KCNJ6: variants seen among roughly 807,000 people sequenced by gnomAD.
The protein encoded by KCNJ6 is potassium inwardly rectifying channel subfamily J member 6, also known as G protein-activated inward rectifier potassium channel 2.
Under a neutral mutation model 34.2 loss-of-function variants are expected in KCNJ6, and 9 were observed. The ratio of observed to expected loss-of-function variants is 0.26; its 90% CI spans 0.16 to 0.46. The LOEUF is 0.46. KCNJ6 is among the 20% of genes least tolerant of loss of function. The probability of loss-of-function intolerance (pLI) is 1.00; values close to 1 mark genes in which losing one functional copy is unlikely to be tolerated. For synonymous variants in KCNJ6, 196 were observed against 207.1 expected (o/e 0.95, Z 0.46); for missense variants, 236 against 531.3 (o/e 0.44, Z 5.46).
chr21:37,719,548 C>A (rs2054813336), intron 2 of KCNJ6: 1 of 152,170 alleles, frequency 6.6e-6, no homozygotes, highest in Non-Finnish European at 1.5e-5. Context: ...CACAAATGTG[C>A]AAAGGGACCC....
intron 3 of KCNJ6, among the ~76,000 whole-genome samples, chr21:37,677,291 C>G (rs2054569073): frequency 6.6e-6 from 1 of 152,166 alleles, no homozygotes; most frequent in Non-Finnish European, 1.5e-5. Context: ...TGGTAGGCAG[C>G]CCTCACCTGC....
intron 2 of KCNJ6, among the ~76,000 whole-genome samples, chr21:37,754,595 C>T (rs1289025560): frequency 1.3e-5 from 2 of 152,144 alleles, no homozygotes; most frequent in Non-Finnish European, 2.9e-5. Context: ...GGACTGAATG[C>T]CATCATGAGC....
intron 1 of KCNJ6, among the ~76,000 whole-genome samples, chr21:37,887,020 AG>A (rs951760908): frequency 1.4e-5 from 2 of 144,680 alleles, no homozygotes; most frequent in Admixed American, 7.1e-5. Flanking sequence ...CCCCACTCCC[AG>A]GAAGAAAGCC....
chr21:37,726,146 TC>T (rs2054853338), intron 2 of KCNJ6, among the ~76,000 whole-genome samples: 2 of 152,150 alleles, frequency 1.3e-5, no homozygotes, highest in Non-Finnish European at 2.9e-5. Flanking sequence ...CCTCAGGTGA[TC>T]CACCCCCCTC....
chr21:37,842,296 C>A (rs536487285), intron 1 of KCNJ6, among the ~76,000 whole-genome samples: 11 of 152,152 alleles, frequency 7.2e-5, no homozygotes, highest in Non-Finnish European at 1.5e-4. Flanking sequence ...TTCCCCACGG[C>A]CCTGGTACAA....
At chr21:37,656,488 C>T (rs937614481) in intron 3 of KCNJ6, among the ~76,000 whole-genome samples, 10 of 152,204 alleles carry the variant, frequency 6.6e-5, no homozygotes, top group Non-Finnish European at 1.5e-4. Context: ...GGTGGCCCCC[C>T]ACCCAGGCTC....
At chr21:37,708,126 T>C (rs1343025914) in intron 3 of KCNJ6, among the ~76,000 whole-genome samples, 2 of 152,238 alleles carry the variant, frequency 1.3e-5, no homozygotes, top group Non-Finnish European at 2.9e-5. Flanking sequence ...TTTTCTGGTA[T>C]TGGTGAACAA....
chr21:37,890,380 G>A (rs1188466649), intron 1 of KCNJ6, among the ~76,000 whole-genome samples: 1 of 152,194 alleles, frequency 6.6e-6, no homozygotes, highest in Non-Finnish European at 1.5e-5. Flanking sequence ...GGATTACGGG[G>A]ACTACAATTC....
chr21:37,836,912 T>A (rs141568383), intron 2 of KCNJ6, among the ~76,000 whole-genome samples: 1 of 152,074 alleles, frequency 6.6e-6, no homozygotes, highest in East Asian at 1.9e-4. Context: ...TTTAAAAAAA[T>A]TGGCAGCCTT....
intron 3 of KCNJ6, among the ~76,000 whole-genome samples, chr21:37,665,348 G>GTC (rs2054509179): frequency 6.6e-6 from 1 of 152,202 alleles, no homozygotes; most frequent in Non-Finnish European, 1.5e-5. Context: ...GTCTGTATAA[G>GTC]TCCATGCGAT....
At chr21:37,697,644 G>C (rs766968085) in intron 3 of KCNJ6, among the ~76,000 whole-genome samples, 4 of 152,212 alleles carry the variant, frequency 2.6e-5, no homozygotes, top group Non-Finnish European at 5.9e-5. Flanking sequence ...GTTTGGTGAT[G>C]AGAAAGTTCA....
intron 2 of KCNJ6, among the ~76,000 whole-genome samples, chr21:37,784,533 G>A (rs2123515727): frequency 6.6e-6 from 1 of 152,256 alleles, no homozygotes; most frequent in Middle Eastern, 3.4e-3. Context: ...ATAGGTATTT[G>A]ATTTCACACC....
intron 3 of KCNJ6, among the ~76,000 whole-genome samples, chr21:37,667,218 C>A (rs925514098): frequency 4.4e-4 from 62 of 141,252 alleles, no homozygotes; most frequent in African/African-American, 1.6e-3. Context: ...GTGTCCAGAC[C>A]CAAACTGGAT....
chr21:37,711,038 C>T (rs73416122), intron 3 of KCNJ6, among the ~76,000 whole-genome samples: 143 of 152,318 alleles, frequency 9.4e-4, no homozygotes, highest in African/African-American at 3.4e-3. Context: ...ACAAAGGACT[C>T]GGGGCTGTTC....
intron 2 of KCNJ6, among the ~76,000 whole-genome samples, chr21:37,831,602 G>T (rs2055426329): frequency 6.6e-6 from 1 of 152,138 alleles, no homozygotes; most frequent in Non-Finnish European, 1.5e-5. Context: ...CTCTAGGTTG[G>T]CCTTCAGGAC....
At chr21:37,639,702 T>A (rs1434174673) in intron 3 of KCNJ6, among the ~76,000 whole-genome samples, 1 of 152,196 alleles carries the variant, frequency 6.6e-6, no homozygotes, top group East Asian at 1.9e-4. Context: ...TGGTTTGGAT[T>A]TGTGTCCCTG....
At chr21:37,760,363 T>C (rs1218711800) in intron 2 of KCNJ6, among the ~76,000 whole-genome samples, 1 of 151,728 alleles carries the variant, frequency 6.6e-6, no homozygotes, top group East Asian at 1.9e-4. Context: ...CCACACAGAG[T>C]CAGAATTTGG....
chr21:37,852,163 C>G (rs1268265465), intron 1 of KCNJ6, among the ~76,000 whole-genome samples: 1 of 152,236 alleles, frequency 6.6e-6, no homozygotes, highest in East Asian at 1.9e-4. Flanking sequence ...TAATGCTGCA[C>G]CCAAACCTGT....
In KCNJ6 at chr21:37,840,655, C is replaced by T. The variant is rs1352341113; in HGVS notation, c.25+3G>A. ...AATAAATAATAAATTTGAAGCTACTCACTCATGGATTCTGTCAGCTTGGCC... is the reference window on the plus strand; with the variant it reads ...AATAAATAATAAATTTGAAGCTACTTACTCATGGATTCTGTCAGCTTGGCC... On this transcript the variant is annotated splice_donor_region_variant and intron_variant, in intron 2 of 3. Transcript: ENST00000609713. 4 of 1,598,004 alleles carry T rather than the reference C, an allele frequency of 2.5e-6. No homozygotes were observed. The highest frequency in any genetic ancestry group is 3.4e-6 in the Non-Finnish European group (4 of 1,168,936).
Sources: allele counts gnomAD v4.1 joint callset (sites outside exome capture counted in the v4.1 genomes callset), GRCh38; gene constraint gnomAD v4.1.1; transcripts MANE v1.5; gene names NCBI Gene and HGNC (gene_info 2026-07-23, HGNC 2026-07-21).